The following ASCC1 variants were observed in gnomAD, a reference collection of about 807,000 sequenced individuals.
ASCC1 encodes the protein activating signal cointegrator 1 complex subunit 1.
Under a neutral mutation model 46.6 loss-of-function variants are expected in ASCC1, and 35 were observed. The ratio of observed to expected loss-of-function variants is 0.75; its 90% CI spans 0.57 to 0.99. ASCC1 has a LOEUF of 0.99. Among genes scored for constraint, ASCC1 ranks in the 50% least tolerant of loss-of-function variants. ASCC1 has a pLI of 0.00. For synonymous variants in ASCC1, 143 were observed against 146.6 expected, an observed-to-expected ratio of 0.98 and a Z score of 0.18; for missense variants, 376 against 428.7, an observed-to-expected ratio of 0.88 and a Z score of 1.09.
intron 9 of ASCC1, among the ~76,000 whole-genome samples, chr10:72,117,164 T>C (rs1366009599): frequency 1.3e-5 from 2 of 152,214 alleles, no homozygotes; most frequent in African/African-American, 2.4e-5. Flanking sequence ...ACAGTAAGCA[T>C]AGTTGTTTTT....
intron 1 of ASCC1, 42 bp from the exon 2 acceptor site, chr10:72,213,373 T>A: frequency 9.3e-7 from 1 of 1,070,592 alleles, no homozygotes; most frequent in Non-Finnish European, 1.4e-6. Flanking sequence ...TAGTGAGAAT[T>A]AAAACTCCTA....
intron 4 of ASCC1, among the ~76,000 whole-genome samples, chr10:72,201,134 G>A (rs1446619399): frequency 6.6e-6 from 1 of 151,992 alleles, no homozygotes; most frequent in Non-Finnish European, 1.5e-5. Context: ...CTTATCTGCT[G>A]TCAAGGTGAT....
intron 4 of ASCC1, chr10:72,198,436 G>A (rs1240182599): frequency 7.6e-6 from 3 of 393,744 alleles, no homozygotes; most frequent in East Asian, 1.5e-4. Flanking sequence ...AAGAAGGCAA[G>A]GCATGCTCAT....
intron 5 of ASCC1, among the ~76,000 whole-genome samples, chr10:72,163,813 C>A (rs112324537): frequency 1.3e-5 from 2 of 151,990 alleles, no homozygotes; most frequent in African/African-American, 4.8e-5. Flanking sequence ...AGGTGAAATT[C>A]ACATAATATA....
chr10:72,162,837 G>A (rs959399042), intron 5 of ASCC1, among the ~76,000 whole-genome samples: 6 of 151,708 alleles, frequency 4.0e-5, no homozygotes, highest in African/African-American at 1.5e-4. Flanking sequence ...CACATACTCG[G>A]GAGGCTGACA....
intron 5 of ASCC1, among the ~76,000 whole-genome samples, chr10:72,179,330 G>C (rs186447887): frequency 6.6e-6 from 1 of 152,010 alleles, no homozygotes; most frequent in African/African-American, 2.4e-5. Flanking sequence ...CTCAAATACT[G>C]TCCAAATTAT....
At chr10:72,122,753 G>A (rs1191850893) in intron 9 of ASCC1, among the ~76,000 whole-genome samples, 2 of 152,088 alleles carry the variant, frequency 1.3e-5, no homozygotes, top group African/African-American at 4.8e-5. Context: ...ACTCCAGCCT[G>A]GGTGACAGAG....
chr10:72,149,962 G>A (rs1261954750), intron 7 of ASCC1, among the ~76,000 whole-genome samples: 2 of 152,122 alleles, frequency 1.3e-5, no homozygotes, highest in African/African-American at 4.8e-5. Flanking sequence ...GAGGCAGGTG[G>A]ATCACGTGAG....
rs1384738744 is a variant in ASCC1, at chr10:72,203,304, A to C, written c.310+123T>G. ...TCCGTCTCAAAAAAAAAAAAAAAGA[A>C]AAGAAAAAGCCCATAGCTAGAACCC... On this transcript the variant is annotated intron_variant, in intron 4 of 9. Coordinates refer to ENST00000672957, the MANE Select transcript of ASCC1 (RefSeq NM_001198800.3). 6 of 804,816 alleles carry C rather than the reference A, an allele frequency of 7.5e-6. No individual in the cohort carries two copies. The African/African-American group carries it at 8.7e-5, about 12-fold the overall frequency. The allele number at this position is 804,816 out of a possible 1,614,324, so 49.9% of individuals were successfully genotyped here. A position where few individuals can be genotyped will look rare whatever the true frequency, so the allele number is the denominator to read the frequency against.
At chr10:72,110,545 T>A (rs1245218136) in intron 9 of ASCC1, among the ~76,000 whole-genome samples, 1 of 152,154 alleles carries the variant, frequency 6.6e-6, no homozygotes, top group East Asian at 1.9e-4. Flanking sequence ...TCCTAGCACT[T>A]TGGGAGGCCG....
chr10:72,179,296 C>T (rs1024964454), intron 5 of ASCC1, among the ~76,000 whole-genome samples: 9 of 152,116 alleles, frequency 5.9e-5, no homozygotes, highest in African/African-American at 1.7e-4. Context: ...CCACTGCGCC[C>T]GGCCTGCTGC....
Position 72,133,188 on chromosome 10 carries a change from A to AAATTG in ASCC1, c.747-12_747-8dup. On this transcript the variant is annotated splice_region_variant and splice_polypyrimidine_tract_variant and intron_variant, in intron 7 of 9. Coordinates refer to ENST00000672957, the MANE Select transcript of ASCC1 (RefSeq NM_001198800.3). ...ATCAACTAATTCTTGTAGCCTGGAG[A>AAATTG]AATTGGAGAAAAGTAATGCAGAAAT... The AAATTG allele has an allele frequency of 6.2e-7, 1 of 1,614,006 alleles. No homozygotes were observed. The highest frequency in any genetic ancestry group is 8.5e-7 in the Non-Finnish European group (1 of 1,179,876).
intron 7 of ASCC1, among the ~76,000 whole-genome samples, chr10:72,142,045 C>G (rs1383510905): frequency 6.6e-6 from 1 of 152,004 alleles, no homozygotes; most frequent in Non-Finnish European, 1.5e-5. Context: ...TGTAGGCAAC[C>G]CTGTTTTCTG....
intron 5 of ASCC1, among the ~76,000 whole-genome samples, chr10:72,165,958 T>C (rs1243511144): frequency 2.0e-5 from 3 of 152,210 alleles, no homozygotes; most frequent in Admixed American, 6.5e-5. Context: ...ATGCAATGTA[T>C]AGACAAATAT....
chr10:72,103,465 G>A (rs1365166437), intron 9 of ASCC1, among the ~76,000 whole-genome samples: 4 of 152,104 alleles, frequency 2.6e-5, no homozygotes, highest in African/African-American at 7.3e-5. Flanking sequence ...ATTTACAGAT[G>A]AGCCTTAGGT....
Position 72,213,171 on chromosome 10 carries a change from G to A in ASCC1, c.112+16C>T, listed in dbSNP as rs1322709510. The A allele has an allele frequency of 6.4e-7, 1 of 1,556,850 alleles. No individual in the cohort carries two copies. The highest frequency in any genetic ancestry group is 8.9e-7 in the Non-Finnish European group (1 of 1,128,792). ...ACATTTTACTTCTTATCTGACCAAAGAGCAACTAGGATTACCTTGATAGAA... is the reference window on the plus strand; with the variant it reads ...ACATTTTACTTCTTATCTGACCAAAAAGCAACTAGGATTACCTTGATAGAA... On this transcript the variant is annotated intron_variant, in intron 2 of 9. Transcript: ENST00000672957.
intron 1 of ASCC1, among the ~76,000 whole-genome samples, chr10:72,214,479 G>A (rs1375204135): frequency 2.0e-5 from 3 of 147,540 alleles, no homozygotes; most frequent in East Asian, 2.0e-4. Flanking sequence ...GGGTTTAAGC[G>A]ATTCTCCTGC....
intron 5 of ASCC1, among the ~76,000 whole-genome samples, chr10:72,179,690 C>T (rs1488211902): frequency 6.6e-6 from 1 of 152,146 alleles, no homozygotes; most frequent in Non-Finnish European, 1.5e-5. Flanking sequence ...TAGGGAGGGA[C>T]TGAAGATTAA....
chr10:72,170,023 G>A (rs1686627218), intron 5 of ASCC1, among the ~76,000 whole-genome samples: 1 of 152,128 alleles, frequency 6.6e-6, no homozygotes, highest in Non-Finnish European at 1.5e-5. Flanking sequence ...AAGAAGCTGA[G>A]GCAGGAGAAT....
Sources: gnomAD v4.1 joint callset for allele counts (sites outside exome capture counted in the v4.1 genomes callset) on GRCh38, gnomAD v4.1.1 for gene constraint, MANE v1.5 for transcripts, NCBI Gene and HGNC (gene_info 2026-07-23, HGNC 2026-07-21) for gene names.